The following TMF1 variants were observed in gnomAD, a reference collection of about 807,000 sequenced individuals.
TMF1 encodes TATA element modulatory factor 1.
A neutral mutation model predicts 126.5 loss-of-function variants in TMF1; 71 were observed. The ratio of observed to expected loss-of-function variants is 0.56; its 90% CI spans 0.46 to 0.68. The LOEUF (loss-of-function observed/expected upper bound fraction) is 0.68, where lower values mean the gene tolerates loss of function less well. Among genes scored for constraint, TMF1 ranks in the 30% least tolerant of loss-of-function variants. TMF1 has a pLI of 0.00. For synonymous variants in TMF1, 461 were observed against 430.5 expected, an observed-to-expected ratio of 1.07 and a Z score of -0.88; for missense variants, 1,259 against 1,253.2, an observed-to-expected ratio of 1.00 and a Z score of -0.07.
intron 2 of TMF1, among the ~76,000 whole-genome samples, chr3:69,046,295 C>A (rs1174550476): frequency 1.7e-5 from 1 of 57,518 alleles, no homozygotes; most frequent in Non-Finnish European, 3.9e-5. Context: ...TTTTTGGACT[C>A]AAAAAAATAG....
intron 8 of TMF1, among the ~76,000 whole-genome samples, chr3:69,038,070 T>C (rs2107463293): frequency 6.6e-6 from 1 of 152,288 alleles, no homozygotes; most frequent in East Asian, 1.9e-4. Context: ...TTAAAATATA[T>C]GTTCACACAA....
Position 69,048,478 on chromosome 3 carries a change from G to A in TMF1, c.227C>T (p.Ala76Val), listed in dbSNP as rs751962703. Residue 76 changes from alanine to valine, a missense_variant, in exon 2 of 17, where the codon GCC becomes GTC. Ala to Val is a moderately conservative substitution (Grantham distance 64, BLOSUM62 0). Coordinates refer to ENST00000398559, the MANE Select transcript of TMF1 (RefSeq NM_007114.3). ...TGGCTTTGTGATTGCTTTAGGAGAG[G>A]CTATTGGTGGACTCTGAGGTTCAGT... is the stretch of plus-strand genomic sequence containing the variant. Reference protein sequence around the residue: ...SNTEPQSPPIASPKAITKPVR... With the variant: ...SNTEPQSPPIVSPKAITKPVR... The A allele has an allele frequency of 1.9e-6, 3 of 1,613,998 alleles. No homozygotes were observed. In the Admixed American group the frequency reaches 5.0e-5, roughly 27 times the overall value.
chr3:69,029,910 T>C lies in TMF1; in HGVS notation c.2499A>G (p.Ser833=), dbSNP rs2091790150. ...ANKIQMSSME[S]QNSLLRQENS... is the part of the protein sequence containing the mutation. ...TTTCCTGTCTTAAAAGAGAATTCTG[T>C]GACTCCATGGAAGACATCTGAATTT... The change falls in exon 11 of 17, where the codon TCA becomes TCG. Residue 833 remains serine (S), a synonymous_variant. Transcript: ENST00000398559. The C allele has an allele frequency of 2.5e-6, 4 of 1,614,156 alleles. No homozygotes were observed. The highest frequency in any genetic ancestry group is 3.4e-6 in the Non-Finnish European group (4 of 1,180,000).
chr3:69,029,957 T>C lies in TMF1; in HGVS notation c.2452A>G (p.Thr818Ala), dbSNP rs577959064. ...ATTTTGTTAGCAAGGAGTTCTTCTGTAGCTGCACGTTCTCTCTCAACTGCT... is the reference window on the plus strand; with the variant it reads ...ATTTTGTTAGCAAGGAGTTCTTCTGCAGCTGCACGTTCTCTCTCAACTGCT... ...AAAVERERAATEELLANKIQM... is the reference protein window; with the variant it reads ...AAAVERERAAAEELLANKIQM... Residue 818 changes from threonine (T) to alanine (A), a missense_variant, in exon 11 of 17, where the codon ACA (threonine) becomes GCA (alanine). Coordinates refer to ENST00000398559, the MANE Select transcript of TMF1 (RefSeq NM_007114.3). 104 of 1,614,154 alleles carry C rather than the reference T, an allele frequency of 6.4e-5. 3 individuals carry two copies. The South Asian group carries it at 8.8e-4, about 14-fold the overall frequency.
intron 2 of TMF1, among the ~76,000 whole-genome samples, chr3:69,045,091 C>T (rs923242175): frequency 6.6e-6 from 1 of 152,162 alleles, no homozygotes; most frequent in African/African-American, 2.4e-5. Context: ...GGTGGATACA[C>T]AAGTGTCTAT....
intron 3 of TMF1, among the ~76,000 whole-genome samples, chr3:69,044,120 TAAGAG>T (rs1210709516): frequency 5.9e-5 from 9 of 152,232 alleles, no homozygotes; most frequent in South Asian, 2.1e-4. Context: ...CATGTAAAAA[TAAGAG>T]AAGAGTAAAT....
intron 4 of TMF1, among the ~76,000 whole-genome samples, chr3:69,043,479 T>C (rs1430353411): frequency 6.6e-6 from 1 of 152,102 alleles, no homozygotes; most frequent in Non-Finnish European, 1.5e-5. Context: ...TAACTTTATG[T>C]ATTTTTTAGT....
chr3:69,026,012 G>T lies in TMF1; in HGVS notation c.2843C>A (p.Thr948Lys). The T allele has an allele frequency of 6.2e-7, 1 of 1,611,884 alleles. No homozygotes were observed. The highest frequency in any genetic ancestry group is 8.5e-7 in the Non-Finnish European group (1 of 1,178,306). Reference sequence around the variant, plus strand: ...AAACATCACCTGAGACAGAAAAGATGTCTGTAGTCCTGCCATATCAACACC... The same window carrying T: ...AAACATCACCTGAGACAGAAAAGATTTCTGTAGTCCTGCCATATCAACACC... ...ISGVDMAGLQTSFLSQDESHD... is the reference protein window; with the variant it reads ...ISGVDMAGLQKSFLSQDESHD... Residue 948 changes from threonine (T) to lysine (K), a missense_variant, in exon 14 of 17, where the codon ACA (threonine) becomes AAA (lysine). By Grantham distance (78) the Thr-to-Lys change is moderately conservative. Coordinates refer to ENST00000398559, the MANE Select transcript of TMF1 (RefSeq NM_007114.3).
rs752639521 is a variant in TMF1 at position 69,047,846 on chromosome 3, G to C, written c.859C>G (p.His287Asp). ...AGCTGAAAAGATGTCTGCATCAAGT[G>C]AAGACTTGATTTTGAATCTGTAGTC... ...QETTDSKSSLHLMQTSFQLLS... is the reference protein window; with the variant it reads ...QETTDSKSSLDLMQTSFQLLS... Residue 287 changes from histidine to aspartate, a missense_variant, in exon 2 of 17, where the codon CAC becomes GAC. His to Asp is a moderately conservative substitution (Grantham distance 81, BLOSUM62 -1). Transcript: ENST00000398559. 1 of 1,614,004 alleles carries C rather than the reference G, an allele frequency of 6.2e-7. No individual in the cohort carries two copies. Among genetic ancestry groups the C allele is most frequent in the Non-Finnish European group, 8.5e-7 (1 of 1,180,014 alleles).
At chr3:69,038,425 T>C (rs770580394) in intron 8 of TMF1, 139 bp downstream of exon 8, 12 of 968,316 alleles carry the variant, frequency 1.2e-5, no homozygotes, top group Non-Finnish European at 1.8e-5. Flanking sequence ...CACAACTGGT[T>C]AAATTTAGCA....
At position 69,047,652 on chromosome 3, in the gene TMF1, C is replaced by T. The variant is rs1373610748; in HGVS notation, c.1053G>A (p.Lys351=). The T allele has an allele frequency of 8.7e-6, 14 of 1,613,976 alleles. No homozygotes were observed. The East Asian group carries it at 2.7e-4, about 31-fold the overall frequency. ...EINSDDELSG[K]GYALVPIIVN... ...CTATAATAGGCACTAAAGCATATCC[C>T]TTGCCTGACAATTCATCATCTGAAT... The change falls in exon 2 of 17, where the codon AAG becomes AAA. Residue 351 remains lysine (K), a synonymous_variant. Transcript: ENST00000398559.
intron 5 of TMF1, among the ~76,000 whole-genome samples, chr3:69,041,987 A>G (rs1042289092): frequency 1.3e-5 from 2 of 152,154 alleles, no homozygotes; most frequent in Non-Finnish European, 2.9e-5. Context: ...ATTTGTAATG[A>G]TTTATTTCAT....
rs2091763065 is a variant in TMF1 at position 69,025,546 on chromosome 3, A to G, written c.3012+14T>C. On this transcript the variant is annotated intron_variant, in intron 15 of 16. Coordinates refer to ENST00000398559, the MANE Select transcript of TMF1 (RefSeq NM_007114.3). ...CTTCATTTACTTCTATAGCAAATTT[A>G]ATTTTTCCAATACCTGTAAATGAGT... The G allele has an allele frequency of 6.2e-7, 1 of 1,600,816 alleles. No homozygotes were observed. The highest frequency in any genetic ancestry group is 8.5e-7 in the Non-Finnish European group (1 of 1,174,374).
intron 5 of TMF1, among the ~76,000 whole-genome samples, chr3:69,042,189 A>G (rs1336252494): frequency 6.6e-6 from 1 of 152,008 alleles, no homozygotes; most frequent in Non-Finnish European, 1.5e-5. Flanking sequence ...GGCACGCACC[A>G]CCACCACCCG....
chr3:69,021,785 A>G lies in TMF1; in HGVS notation c.*1392T>C, dbSNP rs936396127. On this transcript the variant is annotated 3_prime_UTR_variant, in exon 17 of 17. Transcript: ENST00000398559. The stretch of plus-strand genomic sequence containing the variant: ...AACCTCCACCTCCCAGGTTCAAGCA[A>G]TGCTCCTGCCTCAGCCTCCCGAGTA... 4.6e-5 allele frequency: 7 copies of G among 152,120 alleles called. No homozygotes were observed. The highest frequency in any genetic ancestry group is 8.8e-5 in the Non-Finnish European group (6 of 68,076). The allele number at this position is 152,120 out of a possible 1,614,324, so 9.4% of individuals were successfully genotyped here. A position where few individuals can be genotyped will look rare whatever the true frequency, so the allele number is the denominator to read the frequency against.
At chr3:69,027,041 G>A (rs1417449902) in intron 13 of TMF1, among the ~76,000 whole-genome samples, 3 of 151,850 alleles carry the variant, frequency 2.0e-5, no homozygotes, top group African/African-American at 7.2e-5. Flanking sequence ...TGTTGCCCAG[G>A]CTGGAATGCA....
chr3:69,028,129 A>G (rs2091780304), intron 12 of TMF1, 97 bp downstream of exon 12: 1 of 1,193,802 alleles, frequency 8.4e-7, no homozygotes, highest in African/African-American at 1.5e-5. Flanking sequence ...AAGCAGTGGC[A>G]TCACCCATTT....
Position 69,047,977 on chromosome 3 carries a change from G to C in TMF1, c.728C>G (p.Ser243Cys). ...TGATGAAAAGGTACTAACAGGAGGA[G>C]AAGGTGTATTGCTCTGCCTGTCTTC... is the stretch of plus-strand genomic sequence containing the variant. The part of the protein sequence containing the change: ...KHEDRQSNTP[S>C]PPVSTFSSGT... Residue 243 changes from serine (S) to cysteine (C), a missense_variant, in exon 2 of 17, where the codon TCT becomes TGT. Physicochemically the swap from Ser to Cys is moderately radical, Grantham distance 112. Coordinates refer to ENST00000398559, the MANE Select transcript of TMF1 (RefSeq NM_007114.3). 6.2e-7 allele frequency: 1 copy of C among 1,613,890 alleles called. No homozygotes were observed. Among genetic ancestry groups the C allele is most frequent in the Non-Finnish European group, 8.5e-7 (1 of 1,180,028 alleles).
chr3:69,045,903 C>T (rs2091892992), intron 2 of TMF1, among the ~76,000 whole-genome samples: 1 of 151,656 alleles, frequency 6.6e-6, no homozygotes. Context: ...TACTAAAAAT[C>T]AAAAAAATAG....
Sources: allele counts gnomAD v4.1 joint callset (sites outside exome capture counted in the v4.1 genomes callset), GRCh38; gene constraint gnomAD v4.1.1; transcripts MANE v1.5; gene names NCBI Gene and HGNC (gene_info 2026-07-23, HGNC 2026-07-21).